Variants in CECR2 observed in about 807,000 individuals in gnomAD.
CECR2 encodes chromatin remodeling regulator CECR2.
A neutral mutation model predicts 154.5 loss-of-function variants in CECR2; 30 were observed. The observed-to-expected ratio is 0.19, with a 90% CI of 0.15 to 0.26. CECR2 has a LOEUF of 0.26. CECR2 is among the 10% of genes least tolerant of loss of function. The pLI, the probability that CECR2 is intolerant of heterozygous loss-of-function variation, is 1.00. For synonymous variants in CECR2, 725 were observed against 683.7 expected, an observed-to-expected ratio of 1.06 and a Z score of -0.94; for missense variants, 1,743 against 1,829.3, an observed-to-expected ratio of 0.95 and a Z score of 0.86.
At chr22:17,491,621 T>G (rs2055534286) in intron 2 of CECR2, among the ~76,000 whole-genome samples, 1 of 149,690 alleles carries the variant, frequency 6.7e-6, no homozygotes. Flanking sequence ...GCAAACAATA[T>G]ATATCCTTAA....
chr22:17,444,817 C>T (rs1196161918), intron 1 of CECR2, among the ~76,000 whole-genome samples: 1 of 152,146 alleles, frequency 6.6e-6, no homozygotes, highest in Non-Finnish European at 1.5e-5. Context: ...TTAGTAAAAG[C>T]TTTCAGTAGG....
chr22:17,367,683 G>T (rs766312904), upstream of CECR2, among the ~76,000 whole-genome samples: 1 of 151,668 alleles, frequency 6.6e-6, no homozygotes, highest in Non-Finnish European at 1.5e-5. Context: ...CACCGCGCCC[G>T]GCCAACTCAC....
At chr22:17,541,792 CTG>C in intron 14 of CECR2, 45 bp from the exon 15 acceptor site, 1 of 1,569,306 alleles carries the variant, frequency 6.4e-7, no homozygotes, top group Non-Finnish European at 8.6e-7. Context: ...AACCTAAAGT[CTG>C]TGCCTTTCCT....
At chr22:17,386,847 CA>C (rs2063268503) in intron 1 of CECR2, among the ~76,000 whole-genome samples, 1 of 152,044 alleles carries the variant, frequency 6.6e-6, no homozygotes, top group Non-Finnish European at 1.5e-5. Context: ...GACAGGGTTT[CA>C]TCATATTGGT....
chr22:17,492,984 A>ATTTTG (rs2055557774), intron 2 of CECR2, among the ~76,000 whole-genome samples: 1 of 151,612 alleles, frequency 6.6e-6, no homozygotes, highest in Admixed American at 6.6e-5. Context: ...ATTTTATTTT[A>ATTTTG]TTTTTGAGAC....
chr22:17,386,306 G>A (rs2063260042), intron 1 of CECR2, among the ~76,000 whole-genome samples: 1 of 152,090 alleles, frequency 6.6e-6, no homozygotes, highest in Non-Finnish European at 1.5e-5. Flanking sequence ...GAAGGAGAGA[G>A]GATAAGACCT....
At chr22:17,447,561 T>C (rs892652883) in intron 1 of CECR2, among the ~76,000 whole-genome samples, 2 of 151,770 alleles carry the variant, frequency 1.3e-5, no homozygotes, top group African/African-American at 4.8e-5. Flanking sequence ...CATTAGTTCA[T>C]TCATAAATAG....
At chr22:17,485,777 G>C (rs912693214) in intron 2 of CECR2, among the ~76,000 whole-genome samples, 1 of 152,098 alleles carries the variant, frequency 6.6e-6, no homozygotes, top group Non-Finnish European at 1.5e-5. Flanking sequence ...CTCCAAAAAA[G>C]AAAAGAAAGT....
upstream of CECR2, among the ~76,000 whole-genome samples, chr22:17,367,243 C>G (rs958813456): frequency 2.0e-5 from 3 of 152,166 alleles, no homozygotes; most frequent in African/African-American, 7.2e-5. Context: ...GCCAAATCAT[C>G]TCATCCCTCT....
chr22:17,447,551 C>G (rs1273972966), intron 1 of CECR2, among the ~76,000 whole-genome samples: 2 of 151,544 alleles, frequency 1.3e-5, no homozygotes, highest in Admixed American at 1.3e-4. Flanking sequence ...GTCATTCATT[C>G]ATTAGTTCAT....
At chr22:17,545,392 A>G (rs1421977930) in intron 16 of CECR2, among the ~76,000 whole-genome samples, 2 of 151,122 alleles carry the variant, frequency 1.3e-5, no homozygotes, top group East Asian at 3.9e-4. Flanking sequence ...AAAAAAAAAA[A>G]AAAAAGAAAT....
chr22:17,539,200 A>G (rs1414655002), intron 13 of CECR2, 81 bp downstream of exon 13: 11 of 1,490,464 alleles, frequency 7.4e-6, no homozygotes, highest in East Asian at 2.3e-5. Context: ...TACACATCCT[A>G]GTGCCTTTTC....
At position 17,548,670 on chromosome 22, in the gene CECR2, A is replaced by G; in HGVS notation, c.3383A>G (p.Asn1128Ser). ...TATATGCCTGGCCTAGAGTACCCGA[A>G]TTCAGCTGCCCATTACCACATCAGT... ...PLYMPGLEYP[N>S]SAAHYHISPG... Residue 1128 changes from asparagine to serine, a missense_variant, in exon 17 of 19, where the codon AAT (asparagine) becomes AGT (serine). Physicochemically the swap from Asn to Ser is conservative, Grantham distance 46. Around this residue, in one of 4 missense-constraint regions of CECR2, gnomAD observed 1,250 missense variants for 1,192.1 expected, o/e 1.05. Transcript: ENST00000262608. 1 of 1,613,436 alleles carries G rather than the reference A, an allele frequency of 6.2e-7. No individual in the cohort carries two copies. Among genetic ancestry groups the G allele is most frequent in the Non-Finnish European group, 8.5e-7 (1 of 1,179,726 alleles).
intron 1 of CECR2, among the ~76,000 whole-genome samples, chr22:17,389,879 C>T (rs181838648): frequency 5.1e-4 from 78 of 152,210 alleles, no homozygotes; most frequent in African/African-American, 1.8e-3. Context: ...CCGCCCACCT[C>T]GGCGTCCCAA....
At chr22:17,423,932 T>C (rs1046366449) in intron 1 of CECR2, among the ~76,000 whole-genome samples, 2 of 152,238 alleles carry the variant, frequency 1.3e-5, no homozygotes, top group Non-Finnish European at 2.9e-5. Flanking sequence ...CCATTTAGCA[T>C]CGTTTTAAAG....
intron 1 of CECR2, among the ~76,000 whole-genome samples, chr22:17,447,726 C>G (rs2146687999): frequency 6.6e-6 from 1 of 151,706 alleles, no homozygotes; most frequent in Non-Finnish European, 1.5e-5. Context: ...CTAAAAAGTT[C>G]TCCGTGGCAG....
At position 17,542,621 on chromosome 22, in the gene CECR2, A is replaced by C. The variant is rs768824476; in HGVS notation, c.2478A>C (p.Gln826His). Residue 826 changes from glutamine (Q) to histidine (H), a missense_variant, in exon 16 of 19, where the codon CAA (glutamine) becomes CAC (histidine). Coordinates refer to ENST00000262608, the MANE Select transcript of CECR2 (RefSeq NM_001290047.2). Reference sequence around the variant, plus strand: ...TCCCCCCCAACCAGTGGACTGAACAATCAGGCTTCCTACCTCATGGAGTTC... The same window carrying C: ...TCCCCCCCAACCAGTGGACTGAACACTCAGGCTTCCTACCTCATGGAGTTC... ...PPVPPNQWTEQSGFLPHGVPS... is the reference protein window; with the variant it reads ...PPVPPNQWTEHSGFLPHGVPS... The C allele has an allele frequency of 1.2e-6, 2 of 1,613,964 alleles. No homozygotes were observed. The highest frequency in any genetic ancestry group is 1.7e-5 in the Admixed American group (1 of 60,010).
At chr22:17,492,138 G>C (rs1349873631) in intron 2 of CECR2, among the ~76,000 whole-genome samples, 4 of 152,202 alleles carry the variant, frequency 2.6e-5, no homozygotes, top group Non-Finnish European at 4.4e-5. Flanking sequence ...AACGTGGCCT[G>C]TGTGTACATG....
At position 17,401,372 on chromosome 22, in the gene CECR2, A is replaced by G. The variant is rs138820943; in HGVS notation, c.126+31463A>G. On this transcript the variant is annotated intron_variant, in intron 1 of 18. Transcript: ENST00000262608. ...ATTTGGCAAGTTTTGACATATATAT[A>G]CACACTAGTGAAACCATTACCACGT... Among the ~76,000 whole-genome samples, 963 of 152,348 alleles carry G rather than the reference A, an allele frequency of 6.3e-3. 4 individuals are homozygous for G. Among genetic ancestry groups the G allele is most frequent in the Non-Finnish European group, 0.011 (752 of 68,034 alleles).
Sources: gnomAD v4.1 joint callset for allele counts (sites outside exome capture counted in the v4.1 genomes callset) on GRCh38, gnomAD v4.1.1 for gene constraint, gnomAD v4.1.1 regional missense constraint, MANE v1.5 for transcripts, NCBI Gene and HGNC (gene_info 2026-07-23, HGNC 2026-07-21) for gene names.